NALCN: variants seen among roughly 807,000 people sequenced by gnomAD.
NALCN encodes sodium leak channel NALCN.
NALCN carries 111 observed loss-of-function variants against 225.3 expected under a neutral mutation model. That is an observed-to-expected ratio of 0.49 (90% confidence interval 0.42 to 0.58). The LOEUF (loss-of-function observed/expected upper bound fraction) is 0.58, where lower values mean the gene tolerates loss of function less well. NALCN is among the 20% of genes least tolerant of loss of function. The pLI is 0.00. For synonymous variants in NALCN, 764 were observed against 769.0 expected (o/e 0.99, Z 0.11); for missense variants, 1,378 against 2,202.4 (o/e 0.63, Z 7.49).
intron 40 of NALCN, 86 bp from the exon 41 acceptor site, chr13:101,062,204 C>T (rs1166427808): frequency 1.4e-6 from 2 of 1,475,672 alleles, no homozygotes. Flanking sequence ...GAGAGGACAT[C>T]ACTCAGTCTA....
At chr13:101,166,682 T>C (rs1338453060) in intron 15 of NALCN, among the ~76,000 whole-genome samples, 3 of 152,222 alleles carry the variant, frequency 2.0e-5, no homozygotes, top group Admixed American at 6.5e-5. Context: ...ATCCCATAGG[T>C]TGGCTTTTCA....
chr13:101,304,953 C>T (rs890816045), intron 7 of NALCN, among the ~76,000 whole-genome samples: 1 of 151,850 alleles, frequency 6.6e-6, no homozygotes, highest in African/African-American at 2.4e-5. Context: ...ATGGGGGTTT[C>T]ACCATGTTGG....
chr13:101,176,255 T>C (rs2038953523), intron 15 of NALCN, 45 bp downstream of exon 15: 9 of 1,420,050 alleles, frequency 6.3e-6, no homozygotes, highest in Non-Finnish European at 8.4e-6. Context: ...GGTTTGCCCC[T>C]GGTTTTTTGT....
intron 10 of NALCN, among the ~76,000 whole-genome samples, chr13:101,268,695 T>C (rs906043128): frequency 2.6e-5 from 4 of 152,186 alleles, no homozygotes; most frequent in Admixed American, 6.5e-5. Context: ...GAGATACAAA[T>C]ATATCAGTTA....
intron 7 of NALCN, among the ~76,000 whole-genome samples, chr13:101,326,185 T>C (rs1466156219): frequency 6.6e-6 from 1 of 152,174 alleles, no homozygotes; most frequent in Non-Finnish European, 1.5e-5. Context: ...ATAAGGTAGG[T>C]AATCAACTTA....
chr13:101,205,698 T>C (rs1444006187), intron 13 of NALCN, among the ~76,000 whole-genome samples: 1 of 152,156 alleles, frequency 6.6e-6, no homozygotes, highest in Non-Finnish European at 1.5e-5. Context: ...TATTTCTTAA[T>C]AAGAGATTTT....
At chr13:101,066,752 G>A (rs530584315) in intron 39 of NALCN, among the ~76,000 whole-genome samples, 6 of 152,256 alleles carry the variant, frequency 3.9e-5, no homozygotes, top group African/African-American at 1.4e-4. Flanking sequence ...CAAGAAGAGG[G>A]AGCAAATTGG....
intron 22 of NALCN, among the ~76,000 whole-genome samples, chr13:101,105,722 T>C (rs866012337): frequency 1.2e-4 from 19 of 152,320 alleles, no homozygotes; most frequent in Middle Eastern, 3.4e-3. Context: ...AAGATTTTAA[T>C]AATTGTGACT....
At chr13:101,414,445 T>G (rs1305302988) in intron 1 of NALCN, among the ~76,000 whole-genome samples, 1 of 152,192 alleles carries the variant, frequency 6.6e-6, no homozygotes, top group Non-Finnish European at 1.5e-5. Flanking sequence ...TGGGATAAAT[T>G]TATACAGCTA....
rs117204418 is a variant in NALCN at position 101,366,023 on chromosome 13, T to G, written c.644+10677A>C. Among the ~76,000 whole-genome samples, 185 of 152,302 alleles carry G rather than the reference T, an allele frequency of 1.2e-3. 2 individuals carry two copies. Among genetic ancestry groups the G allele is most frequent in the Admixed American group, 3.1e-3 (48 of 15,262 alleles). On this transcript the variant is annotated intron_variant, in intron 6 of 43. Transcript: ENST00000251127. ...ATAAGGTGTCAGGTAAGTCTTCATC[T>G]TTTCTATTTAACCTGCCAGCTCATT...
intron 43 of NALCN, 23 bp from the exon 44 acceptor site, chr13:101,055,511 G>A (rs760004707): frequency 8.1e-6 from 13 of 1,604,212 alleles, no homozygotes; most frequent in Non-Finnish European, 1.1e-5. Flanking sequence ...TGAGTCCTAT[G>A]AGCCACTTGG....
chr13:101,313,776 A>G (rs1166864436), intron 7 of NALCN, among the ~76,000 whole-genome samples: 1 of 152,186 alleles, frequency 6.6e-6, no homozygotes, highest in Non-Finnish European at 1.5e-5. Context: ...ATCTAGAACT[A>G]GAAATACCAT....
At chr13:101,331,849 A>C (rs2045186156) in intron 7 of NALCN, among the ~76,000 whole-genome samples, 1 of 151,986 alleles carries the variant, frequency 6.6e-6, no homozygotes, top group South Asian at 2.1e-4. Context: ...GCCTGCCTGC[A>C]CTCCACCTCT....
In NALCN at chr13:101,237,932, CAAAG is replaced by C. The variant is rs757133796; in HGVS notation, c.1267-14_1267-11del. On this transcript the variant is annotated splice_polypyrimidine_tract_variant and intron_variant, in intron 11 of 43. Transcript: ENST00000251127. ...GTACTGTAAAAGCCACCTAGAGAAA[CAAAG>C]AAACATTGAAATTGAAATTCAGAAC... 120 of 1,583,230 alleles carry C rather than the reference CAAAG, an allele frequency of 7.6e-5. No homozygotes were observed. Among genetic ancestry groups the C allele is most frequent in the Admixed American group, 3.9e-4 (21 of 53,920 alleles).
chr13:101,060,239 A>G (rs936190553), intron 41 of NALCN, among the ~76,000 whole-genome samples: 2 of 62,742 alleles, frequency 3.2e-5, no homozygotes, highest in Admixed American at 2.5e-4. Flanking sequence ...CTTGTATTTT[A>G]TTTATTTGTT....
chr13:101,364,118 T>A (rs2046320813), intron 6 of NALCN, among the ~76,000 whole-genome samples: 2 of 152,110 alleles, frequency 1.3e-5, no homozygotes, highest in African/African-American at 4.8e-5. Flanking sequence ...ACTCATACAC[T>A]GTTGGTGGTA....
At chr13:101,357,879 T>A (rs547059696) in intron 6 of NALCN, among the ~76,000 whole-genome samples, 2 of 151,998 alleles carry the variant, frequency 1.3e-5, no homozygotes, top group Admixed American at 1.3e-4. Context: ...AGAAATCACA[T>A]CACGCATCTA....
At chr13:101,082,690 G>C (rs2033720186) in intron 33 of NALCN, 119 bp downstream of exon 33, 1 of 1,019,546 alleles carries the variant, frequency 9.8e-7, no homozygotes, top group Non-Finnish European at 1.5e-6. Context: ...AATATCCTAA[G>C]GGCAAACTTC....
intron 7 of NALCN, among the ~76,000 whole-genome samples, chr13:101,338,324 T>C (rs547292823): frequency 6.6e-6 from 1 of 152,320 alleles, no homozygotes; most frequent in East Asian, 1.9e-4. Context: ...TTGAATTTCA[T>C]TTATTCTGGA....
Sources: gnomAD v4.1 joint callset for allele counts (sites outside exome capture counted in the v4.1 genomes callset) on GRCh38, gnomAD v4.1.1 for gene constraint, MANE v1.5 for transcripts, NCBI Gene and HGNC (gene_info 2026-07-23, HGNC 2026-07-21) for gene names.